Variants in PPP3CA observed in about 807,000 individuals in gnomAD.
PPP3CA encodes the protein protein phosphatase 3 catalytic subunit alpha.
PPP3CA carries 14 observed loss-of-function variants against 66.5 expected under a neutral mutation model. The ratio of observed to expected loss-of-function variants is 0.21; its 90% CI spans 0.14 to 0.33. The LOEUF (loss-of-function observed/expected upper bound fraction) is 0.33. Among genes scored for constraint, PPP3CA ranks in the 10% least tolerant of loss-of-function variants. PPP3CA has a pLI of 1.00. For synonymous variants in PPP3CA, 232 were observed against 226.2 expected, an observed-to-expected ratio of 1.03 and a Z score of -0.23; for missense variants, 317 against 639.5, an observed-to-expected ratio of 0.50 and a Z score of 5.44.
At chr4:101,337,981 G>A (rs1359415021) in intron 1 of PPP3CA, among the ~76,000 whole-genome samples, 1 of 152,182 alleles carries the variant, frequency 6.6e-6, no homozygotes, top group African/African-American at 2.4e-5. Context: ...CTATCGGGGT[G>A]TACAGTATGT....
intron 10 of PPP3CA, among the ~76,000 whole-genome samples, chr4:101,052,630 A>C (rs1384527429): frequency 1.3e-5 from 2 of 152,000 alleles, no homozygotes; most frequent in African/African-American, 2.4e-5. Context: ...AGAAGAATTT[A>C]GTCTTTTAAA....
chr4:101,184,563 A>C (rs1311129276), intron 2 of PPP3CA, among the ~76,000 whole-genome samples: 1 of 152,176 alleles, frequency 6.6e-6, no homozygotes, highest in Non-Finnish European at 1.5e-5. Flanking sequence ...TGAAATGAAA[A>C]TATTTTGGAA....
At chr4:101,265,126 A>G (rs1727131016) in intron 1 of PPP3CA, among the ~76,000 whole-genome samples, 1 of 152,162 alleles carries the variant, frequency 6.6e-6, no homozygotes, top group Non-Finnish European at 1.5e-5. Flanking sequence ...AAATAATGCA[A>G]TAGAGCCTGT....
chr4:101,057,544 C>CATG (rs1027569333), intron 10 of PPP3CA, among the ~76,000 whole-genome samples: 4 of 152,110 alleles, frequency 2.6e-5, no homozygotes, highest in African/African-American at 7.2e-5. Flanking sequence ...TCACACTGAA[C>CATG]ATGATCTTAA....
intron 3 of PPP3CA, among the ~76,000 whole-genome samples, chr4:101,102,891 G>A (rs569538073): frequency 5.3e-5 from 8 of 152,238 alleles, no homozygotes; most frequent in African/African-American, 1.9e-4. Flanking sequence ...TAAATGAGGT[G>A]CGCTAATCAC....
chr4:101,089,176 A>G (rs1173672072), intron 6 of PPP3CA, among the ~76,000 whole-genome samples: 1 of 152,170 alleles, frequency 6.6e-6, no homozygotes, highest in Non-Finnish European at 1.5e-5. Flanking sequence ...TACAGTTTAC[A>G]GTGAATCTAG....
At chr4:101,090,572 G>T (rs183051584) in intron 6 of PPP3CA, among the ~76,000 whole-genome samples, 1 of 149,468 alleles carries the variant, frequency 6.7e-6, no homozygotes, top group South Asian at 2.1e-4. Flanking sequence ...AACCCGGGAG[G>T]TGGAGGTTGT....
intron 8 of PPP3CA, 33 bp from the exon 9 acceptor site, chr4:101,063,390 C>G (rs1728554663): frequency 6.3e-7 from 1 of 1,592,520 alleles, no homozygotes; most frequent in Non-Finnish European, 8.6e-7. Flanking sequence ...GTTAGGAACA[C>G]AGAACATATT....
intron 1 of PPP3CA, among the ~76,000 whole-genome samples, chr4:101,306,019 T>C (rs1406201296): frequency 6.6e-6 from 1 of 152,038 alleles, no homozygotes; most frequent in African/African-American, 2.4e-5. Context: ...GAGGAAAATG[T>C]TTTAACTCTG....
At chr4:101,150,631 C>A (rs932938921) in intron 2 of PPP3CA, among the ~76,000 whole-genome samples, 5 of 151,924 alleles carry the variant, frequency 3.3e-5, no homozygotes, top group African/African-American at 9.7e-5. Context: ...CTACTGGGAC[C>A]AAAGTATTTT....
chr4:101,303,552 T>G (rs1486382080), intron 1 of PPP3CA, among the ~76,000 whole-genome samples: 4 of 152,220 alleles, frequency 2.6e-5, no homozygotes, highest in Admixed American at 6.5e-5. Context: ...ATAGTTTGAA[T>G]GTACCATATG....
chr4:101,206,890 C>T (rs536345983), intron 1 of PPP3CA, among the ~76,000 whole-genome samples: 1 of 152,118 alleles, frequency 6.6e-6, no homozygotes, highest in African/African-American at 2.4e-5. Context: ...ACACTGAAAC[C>T]TTCAGTTAGT....
At chr4:101,301,849 T>C (rs138287378) in intron 1 of PPP3CA, among the ~76,000 whole-genome samples, 1 of 149,750 alleles carries the variant, frequency 6.7e-6, no homozygotes. Context: ...ATTTTAAAAA[T>C]CACAGTTAAA....
chr4:101,058,696 C>A (rs1242348656), intron 10 of PPP3CA, among the ~76,000 whole-genome samples: 4 of 152,060 alleles, frequency 2.6e-5, no homozygotes, highest in Non-Finnish European at 5.9e-5. Flanking sequence ...CAAAACAAAT[C>A]CTTTCATGTA....
intron 1 of PPP3CA, among the ~76,000 whole-genome samples, chr4:101,309,506 G>T (rs116550046): frequency 0.013 from 1,938 of 152,190 alleles, 48 homozygotes; most frequent in African/African-American, 0.044. Flanking sequence ...GGGTGGGGAG[G>T]TGGCACTGCA....
chr4:101,293,459 T>A (rs1728096511), intron 1 of PPP3CA, among the ~76,000 whole-genome samples: 1 of 152,174 alleles, frequency 6.6e-6, no homozygotes, highest in Non-Finnish European at 1.5e-5. Context: ...GAAATATTGG[T>A]CACTTTCTCT....
At chr4:101,064,456 C>T (rs1213946155) in intron 8 of PPP3CA, among the ~76,000 whole-genome samples, 2 of 151,916 alleles carry the variant, frequency 1.3e-5, no homozygotes, top group African/African-American at 4.8e-5. Context: ...CTATTCAGGG[C>T]ATAATTTGTA....
rs70961788 is a variant in PPP3CA, at chr4:101,333,270, G to GTTTTTTTTTTTT, written c.58+13457_58+13468dup. Reference sequence around the variant, plus strand: ...CTACAGGCATGCACTACCATGCCCAGTTTTTTTTTTTTTTTTTTTTTTTTT... The same window carrying GTTTTTTTTTTTT: ...CTACAGGCATGCACTACCATGCCCAGTTTTTTTTTTTTTTTTTTTTTTTTTTTTTTTTTTTTT... On this transcript the variant is annotated intron_variant, in intron 1 of 13. Transcript: ENST00000394854. 3.2e-4 allele frequency among the ~76,000 whole-genome samples: 15 copies of GTTTTTTTTTTTT among 47,270 alleles called. 4 individuals are homozygous for GTTTTTTTTTTTT. The highest frequency in any genetic ancestry group is 4.5e-4 in the Non-Finnish European group (9 of 20,154). The allele number at this position is 47,270 out of a possible 152,430, so 31.0% of individuals were successfully genotyped here.
chr4:101,303,223 T>C (rs1401437149), intron 1 of PPP3CA, among the ~76,000 whole-genome samples: 1 of 152,106 alleles, frequency 6.6e-6, no homozygotes, highest in African/African-American at 2.4e-5. Context: ...TAAAGTAAAA[T>C]GGCCAAAATT....
Sources: gnomAD v4.1 joint callset for allele counts (sites outside exome capture counted in the v4.1 genomes callset) on GRCh38, gnomAD v4.1.1 for gene constraint, MANE v1.5 for transcripts, NCBI Gene and HGNC (gene_info 2026-07-23, HGNC 2026-07-21) for gene names.